The following NXPH2 variants were observed in gnomAD, a reference collection of about 807,000 sequenced individuals.
NXPH2 encodes the protein neurexophilin 2, also known as neurexophilin-2.
Under a neutral mutation model 19.8 loss-of-function variants are expected in NXPH2, and 5 were observed. The ratio of observed to expected loss-of-function variants is 0.25; its 90% CI spans 0.13 to 0.53. The LOEUF (loss-of-function observed/expected upper bound fraction) is 0.53. NXPH2 is among the 20% of genes least tolerant of loss of function. The probability of loss-of-function intolerance (pLI) is 0.96; values close to 1 mark genes in which losing one functional copy is unlikely to be tolerated. For synonymous variants in NXPH2, 154 were observed against 127.4 expected, an observed-to-expected ratio of 1.21 and a Z score of -1.41; for missense variants, 289 against 322.8, an observed-to-expected ratio of 0.90 and a Z score of 0.80.
At chr2:138,779,779 AAAACACCACGTGAAAAAT>A (rs1353335698) in intron 1 of NXPH2, among the ~76,000 whole-genome samples, 3 of 152,202 alleles carry the variant, frequency 2.0e-5, no homozygotes, top group Non-Finnish European at 4.4e-5. Context: ...GCATCTGGGC[AAAACACCACGTGAAAAAT>A]AAACACCACC....
intron 1 of NXPH2, among the ~76,000 whole-genome samples, chr2:138,738,277 G>A (rs181504467): frequency 3.1e-4 from 47 of 152,040 alleles, no homozygotes; most frequent in Middle Eastern, 3.4e-3. Flanking sequence ...CTGTAAAATG[G>A]GAATAATATA....
chr2:138,750,106 A>C (rs75617893), intron 1 of NXPH2, among the ~76,000 whole-genome samples: 1 of 152,194 alleles, frequency 6.6e-6, no homozygotes, highest in Non-Finnish European at 1.5e-5. Flanking sequence ...GATGATGTTC[A>C]GGGTGACAGG....
chr2:138,722,823 C>A (rs1030225290), intron 1 of NXPH2, among the ~76,000 whole-genome samples: 2 of 152,100 alleles, frequency 1.3e-5, no homozygotes, highest in Non-Finnish European at 2.9e-5. Flanking sequence ...AAATAAAGTG[C>A]CTACAATTAC....
At chr2:138,700,909 C>T (rs994633638) in intron 1 of NXPH2, among the ~76,000 whole-genome samples, 2 of 152,050 alleles carry the variant, frequency 1.3e-5, no homozygotes, top group Admixed American at 1.3e-4. Flanking sequence ...CTGTTCTCAT[C>T]CCCTGGAGTC....
intron 1 of NXPH2, among the ~76,000 whole-genome samples, chr2:138,688,362 A>G (rs745889839): frequency 6.6e-6 from 1 of 152,082 alleles, no homozygotes. Flanking sequence ...TGTATTTTTT[A>G]GTAGATATGG....
intron 1 of NXPH2, among the ~76,000 whole-genome samples, chr2:138,761,363 C>A (rs904476370): frequency 2.0e-5 from 3 of 152,160 alleles, no homozygotes; most frequent in East Asian, 3.9e-4. Flanking sequence ...AATCTGATGA[C>A]CATTTCCCCG....
chr2:138,760,549 G>T (rs1681994721), intron 1 of NXPH2, among the ~76,000 whole-genome samples: 1 of 152,196 alleles, frequency 6.6e-6, no homozygotes, highest in Admixed American at 6.5e-5. Flanking sequence ...CATAACGTGT[G>T]TAGAGGATTT....
chr2:138,680,415 T>G (rs1172331275), intron 1 of NXPH2, among the ~76,000 whole-genome samples: 2 of 152,224 alleles, frequency 1.3e-5, no homozygotes, highest in Non-Finnish European at 2.9e-5. Flanking sequence ...GTTCATTTTT[T>G]TAAACACTTA....
intron 1 of NXPH2, among the ~76,000 whole-genome samples, chr2:138,677,610 T>A (rs1450392263): frequency 6.6e-6 from 1 of 152,220 alleles, no homozygotes; most frequent in Non-Finnish European, 1.5e-5. Flanking sequence ...AAATCATTCA[T>A]CATAACAAGC....
chr2:138,700,929 AC>A (rs1324772706), intron 1 of NXPH2, among the ~76,000 whole-genome samples: 2 of 152,090 alleles, frequency 1.3e-5, no homozygotes, highest in Non-Finnish European at 2.9e-5. Flanking sequence ...CTTGAGCAAG[AC>A]GTGGTGCTGG....
intron 1 of NXPH2, among the ~76,000 whole-genome samples, chr2:138,698,967 T>G (rs1680875918): frequency 6.6e-6 from 1 of 152,160 alleles, no homozygotes; most frequent in African/African-American, 2.4e-5. Context: ...GAGTAAATAA[T>G]TAGGCATTTA....
chr2:138,754,792 C>T (rs1443481552), intron 1 of NXPH2, among the ~76,000 whole-genome samples: 3 of 152,066 alleles, frequency 2.0e-5, no homozygotes, highest in African/African-American at 7.2e-5. Flanking sequence ...TACAGTCAAG[C>T]TACATCCCAA....
At chr2:138,673,849 C>G (rs1376374293) in intron 1 of NXPH2, among the ~76,000 whole-genome samples, 2 of 151,966 alleles carry the variant, frequency 1.3e-5, no homozygotes, top group Non-Finnish European at 2.9e-5. Context: ...CCCACCCCAC[C>G]CTCAAATGCT....
At chr2:138,711,882 T>G (rs997097195) in intron 1 of NXPH2, among the ~76,000 whole-genome samples, 4 of 152,206 alleles carry the variant, frequency 2.6e-5, no homozygotes, top group African/African-American at 9.6e-5. Context: ...AGAAGTAAAA[T>G]GAACATCCTC....
chr2:138,677,254 A>T (rs1680497287), intron 1 of NXPH2, among the ~76,000 whole-genome samples: 1 of 152,226 alleles, frequency 6.6e-6, no homozygotes, highest in Non-Finnish European at 1.5e-5. Flanking sequence ...TATAATAATA[A>T]TGCAAAAACA....
intron 1 of NXPH2, among the ~76,000 whole-genome samples, chr2:138,775,267 A>G (rs529092045): frequency 2.0e-5 from 3 of 152,316 alleles, no homozygotes; most frequent in African/African-American, 4.8e-5. Context: ...ATAATGAACC[A>G]AACACTTGTT....
At chr2:138,737,485 A>G (rs1159243059) in intron 1 of NXPH2, among the ~76,000 whole-genome samples, 4 of 152,190 alleles carry the variant, frequency 2.6e-5, no homozygotes, top group Admixed American at 1.3e-4. Context: ...CCTTCCCACA[A>G]CAGAAGGGAA....
At chr2:138,737,323 A>G (rs1681565752) in intron 1 of NXPH2, among the ~76,000 whole-genome samples, 1 of 152,192 alleles carries the variant, frequency 6.6e-6, no homozygotes, top group South Asian at 2.1e-4. Context: ...AGCAAGTCAC[A>G]TCTTACATGG....
chr2:138,732,863 C>A (rs1428021794), intron 1 of NXPH2, among the ~76,000 whole-genome samples: 1 of 152,162 alleles, frequency 6.6e-6, no homozygotes, highest in Non-Finnish European at 1.5e-5. Flanking sequence ...CACATTATGG[C>A]ACATTTGACT....
Sources: allele counts gnomAD v4.1 joint callset (sites outside exome capture counted in the v4.1 genomes callset), GRCh38; gene constraint gnomAD v4.1.1; transcripts MANE v1.5; gene names NCBI Gene and HGNC (gene_info 2026-07-23, HGNC 2026-07-21).